The following TJP3 variants were observed in gnomAD, a reference collection of about 807,000 sequenced individuals.
TJP3 encodes the protein tight junction protein ZO-3.
TJP3 carries 85 observed loss-of-function variants against 104.2 expected under a neutral mutation model. That is an observed-to-expected ratio of 0.82 (90% CI 0.68 to 0.98). The LOEUF (loss-of-function observed/expected upper bound fraction) is 0.98. TJP3 is among the 50% of genes least tolerant of loss of function. The probability of loss-of-function intolerance (pLI) is 0.00; values close to 1 mark genes in which losing one functional copy is unlikely to be tolerated. For missense variants in TJP3, 1,367 were observed against 1,322.8 expected (o/e 1.03, Z -0.52); for synonymous variants, 550 against 550.6 (o/e 1.00, Z 0.02).
At chr19:3,731,500 G>A (rs941935480) in intron 5 of TJP3, among the ~76,000 whole-genome samples, 1 of 152,136 alleles carries the variant, frequency 6.6e-6, no homozygotes, top group Admixed American at 6.6e-5. Flanking sequence ...AGGCGTGGTG[G>A]TGTGCACCTG....
chr19:3,726,260 C>T (rs1312508958), intron 1 of TJP3, among the ~76,000 whole-genome samples: 1 of 152,210 alleles, frequency 6.6e-6, no homozygotes, highest in Non-Finnish European at 1.5e-5. Flanking sequence ...GCCAGGTGAC[C>T]TTGCACCTGA....
chr19:3,716,132 G>T (rs2036475077), intron 1 of TJP3, among the ~76,000 whole-genome samples: 1 of 146,488 alleles, frequency 6.8e-6, no homozygotes, highest in African/African-American at 2.4e-5. Context: ...GAGTGCAGTG[G>T]CGCCATCTCA....
rs902179711 is a variant in TJP3, at chr19:3,746,937, C to G, written c.2322+61C>G. Reference sequence around the variant, plus strand: ...CCCCACAGACGCTGTGCAGGCCCAGCTGGGGTTTGGGGCCTCTGTCGGGAG... The same window carrying G: ...CCCCACAGACGCTGTGCAGGCCCAGGTGGGGTTTGGGGCCTCTGTCGGGAG... On this transcript the variant is annotated intron_variant, in intron 18 of 20. Coordinates refer to ENST00000541714, the MANE Select transcript of TJP3 (RefSeq NM_001267560.2). The surrounding 1 kb of genome is among the most constrained non-coding windows in gnomAD (Gnocchi z 4.1). The G allele has an allele frequency of 6.6e-7, 1 of 1,509,594 alleles. No homozygotes were observed. Among genetic ancestry groups the G allele is most frequent in the African/African-American group, 1.4e-5 (1 of 72,520 alleles). 93.5% of individuals were successfully genotyped at this position (1,509,594 alleles called of 1,614,324 possible). A position where few individuals can be genotyped will look rare whatever the true frequency, so the allele number is the denominator to read the frequency against.
Position 3,730,979 on chromosome 19 carries a change from C to T in TJP3, c.613+273C>T, listed in dbSNP as rs1202799381. Among the ~76,000 whole-genome samples the T allele has an allele frequency of 6.6e-6, 1 of 152,162 alleles. No homozygotes were observed. The highest frequency in any genetic ancestry group is 1.5e-5 in the Non-Finnish European group (1 of 68,024). Reference sequence around the variant, plus strand: ...GGATTGTGGGCGTGAGCCACCGCGCCCAGCCTGGAAGCTACAACTACACCT... The same window carrying T: ...GGATTGTGGGCGTGAGCCACCGCGCTCAGCCTGGAAGCTACAACTACACCT... On this transcript the variant is annotated intron_variant, in intron 5 of 20. Coordinates refer to ENST00000541714, the MANE Select transcript of TJP3 (RefSeq NM_001267560.2). The surrounding 1 kb of genome is among the most constrained non-coding windows in gnomAD (Gnocchi z 7.3).
At chr19:3,732,538 CTCGCTCTG>C (rs1427945570) in intron 6 of TJP3, among the ~76,000 whole-genome samples, 1 of 149,814 alleles carries the variant, frequency 6.7e-6, no homozygotes, top group Non-Finnish European at 1.5e-5. Flanking sequence ...CAGACAGAGT[CTCGCTCTG>C]TCACCCAGGC....
Position 3,739,093 on chromosome 19 carries a change from C to A in TJP3, c.1590C>A (p.Asp530Glu). ...GGCTGGCGGTGCGCATGGGTCGTGACCTGCGGGAGCAAGAGCGGGGCATCA... is the reference window on the plus strand; with the variant it reads ...GGCTGGCGGTGCGCATGGGTCGTGAACTGCGGGAGCAAGAGCGGGGCATCA... The part of the protein sequence containing the change: ...GHWLAVRMGR[D>E]LREQERGIIP... The change falls in exon 13 of 21, where the codon GAC becomes GAA. Residue 530 changes from aspartate to glutamate, a missense_variant. By Grantham distance (45) the Asp-to-Glu change is conservative (BLOSUM62 2). Coordinates refer to ENST00000541714, the MANE Select transcript of TJP3 (RefSeq NM_001267560.2). 1.3e-6 allele frequency: 2 copies of A among 1,588,862 alleles called. No individual in the cohort carries two copies. The highest frequency in any genetic ancestry group is 1.1e-5 in the South Asian group (1 of 89,040).
chr19:3,717,475 A>C (rs1045862318), intron 1 of TJP3, among the ~76,000 whole-genome samples: 3 of 146,298 alleles, frequency 2.1e-5, no homozygotes, highest in Non-Finnish European at 4.5e-5. Flanking sequence ...CTGCCCTGTC[A>C]CCCAGGCTGG....
intron 1 of TJP3, among the ~76,000 whole-genome samples, chr19:3,716,799 ATAT>A (rs1463212340): frequency 5.5e-5 from 4 of 73,056 alleles, no homozygotes; most frequent in African/African-American, 1.9e-4. Context: ...ATATATATAT[ATAT>A]TTTTTTTTTT....
In TJP3 at chr19:3,738,782, C is replaced by T. The variant is rs1017672413; in HGVS notation, c.1394-115C>T. ...GCATCTCTGCACCCTCCATCCCTCT[C>T]CCTGGCCCCTACAGGGAGAGTGCCC... On this transcript the variant is annotated intron_variant, in intron 12 of 20. Transcript: ENST00000541714. 1.3e-5 allele frequency: 17 copies of T among 1,328,416 alleles called. No homozygotes were observed. The African/African-American group carries it at 2.3e-4, about 18-fold the overall frequency. 82.3% of individuals were successfully genotyped at this position (1,328,416 alleles called of 1,614,324 possible). A position where few individuals can be genotyped will look rare whatever the true frequency, so the allele number is the denominator to read the frequency against.
At position 3,735,551 on chromosome 19, in the gene TJP3, T is replaced by G. The variant is rs752168370; in HGVS notation, c.987-15T>G. The G allele has an allele frequency of 1.2e-6, 2 of 1,613,982 alleles. No individual in the cohort carries two copies. Among genetic ancestry groups the G allele is most frequent in the South Asian group, 2.2e-5 (2 of 91,074 alleles). ...AAATCCATCCCTGCCTCACTCCCAA[T>G]CTGTTCCCCACCAGGGAGAGTCCCC... On this transcript the variant is annotated splice_polypyrimidine_tract_variant and intron_variant, in intron 8 of 20. Transcript: ENST00000541714.
intron 15 of TJP3, 125 bp downstream of exon 15, chr19:3,744,159 C>T: frequency 2.6e-6 from 2 of 777,860 alleles, no homozygotes; most frequent in Non-Finnish European, 2.1e-6. Context: ...ACCAGTGCCC[C>T]CCCCAATACC....
chr19:3,741,134 G>A (rs991420492), intron 14 of TJP3, among the ~76,000 whole-genome samples: 7 of 151,834 alleles, frequency 4.6e-5, no homozygotes, highest in South Asian at 4.2e-4. Context: ...CCAAGTAACC[G>A]GGATTACAGG....
chr19:3,709,585 C>T (rs1346300567), intron 1 of TJP3, among the ~76,000 whole-genome samples: 1 of 152,176 alleles, frequency 6.6e-6, no homozygotes, highest in African/African-American at 2.4e-5. Context: ...CATCTCAAGT[C>T]TCTCTCCAGA....
intron 13 of TJP3, among the ~76,000 whole-genome samples, chr19:3,740,214 G>A (rs1399386771): frequency 1.3e-5 from 2 of 151,568 alleles, no homozygotes; most frequent in African/African-American, 4.9e-5. Context: ...CCTGGCGACG[G>A]AGCGAGACTC....
rs2036902712 is a variant in TJP3, at chr19:3,746,873, T to C, written c.2319T>C (p.Asp773=). Residue 773 remains aspartate, a synonymous_variant, in exon 18 of 21, where the codon GAT becomes GAC. Transcript: ENST00000541714. The surrounding 1 kb of genome is among the most constrained non-coding windows in gnomAD (Gnocchi z 4.1). ...CGCGGCCCATCTGGACGGCGGAAGA[T>C]CAGGTACTGCCGCGGTGTGGGTGGG... is the stretch of plus-strand genomic sequence containing the variant. ...QQTRPIWTAE[D]QLDGSLEDNL... 1.5e-5 allele frequency: 23 copies of C among 1,536,766 alleles called. No homozygotes were observed. Among genetic ancestry groups the C allele is most frequent in the Non-Finnish European group, 1.7e-5 (19 of 1,132,206 alleles).
At chr19:3,729,957 C>A in intron 3 of TJP3, 71 bp from the exon 4 acceptor site, 1 of 1,322,146 alleles carries the variant, frequency 7.6e-7, no homozygotes, top group Non-Finnish European at 1.1e-6. Context: ...GGCACCCCCT[C>A]CCCAGGGAGG....
At chr19:3,735,746 C>T in intron 9 of TJP3, 107 bp downstream of exon 9, 2 of 1,582,722 alleles carry the variant, frequency 1.3e-6, no homozygotes, top group South Asian at 1.1e-5. Flanking sequence ...AGTGGTGAGA[C>T]ATGGTTTCCT....
intron 19 of TJP3, among the ~76,000 whole-genome samples, chr19:3,748,296 C>A (rs1248849171): frequency 2.6e-4 from 37 of 141,044 alleles, no homozygotes; most frequent in Admixed American, 1.3e-3. Flanking sequence ...TTTTGAGACG[C>A]AGTCTTGCTC....
At chr19:3,712,538 A>T (rs2036442860) in intron 1 of TJP3, among the ~76,000 whole-genome samples, 1 of 152,048 alleles carries the variant, frequency 6.6e-6, no homozygotes, top group African/African-American at 2.4e-5. Flanking sequence ...CAAAACCGGG[A>T]TCCCCGTTTT....
Sources: gnomAD v4.1 joint callset for allele counts (sites outside exome capture counted in the v4.1 genomes callset) on GRCh38, gnomAD v4.1.1 for gene constraint, Gnocchi (gnomAD v3.1) non-coding constraint, MANE v1.5 for transcripts, NCBI Gene and HGNC (gene_info 2026-07-23, HGNC 2026-07-21) for gene names.